Variants in ZNF503 observed in about 807,000 individuals in gnomAD.
ZNF503 encodes the protein zinc finger protein 503.
In ZNF503, 15 loss-of-function variants were observed where a neutral mutation model predicts 34.4. The ratio of observed to expected loss-of-function variants is 0.44; its 90% CI spans 0.29 to 0.67. The LOEUF (loss-of-function observed/expected upper bound fraction) is 0.67, where lower values mean the gene tolerates loss of function less well. Among genes scored for constraint, ZNF503 ranks in the 30% least tolerant of loss-of-function variants. The pLI, the probability that ZNF503 is intolerant of heterozygous loss-of-function variation, is 0.13. For missense variants in ZNF503, 1,007 were observed against 926.8 expected, an observed-to-expected ratio of 1.09 and a Z score of -1.12; for synonymous variants, 580 against 456.8, an observed-to-expected ratio of 1.27 and a Z score of -3.44.
chr10:75,320,483 AAAAT>A, the ZNF503 span, among the ~76,000 whole-genome samples: 35 of 151,786 alleles, frequency 2.3e-4, no homozygotes, highest in Non-Finnish European at 4.1e-4. Context: ...CCTGTCTCAA[AAAAT>A]AAATAAAATA....
At chr10:75,283,061 A>G in the ZNF503 span, among the ~76,000 whole-genome samples, 1 of 152,248 alleles carries the variant, frequency 6.6e-6, no homozygotes, top group South Asian at 2.1e-4. Flanking sequence ...TCTAAGAATT[A>G]ATTATGTGAC....
the ZNF503 span, among the ~76,000 whole-genome samples, chr10:75,339,976 G>A: frequency 5.9e-5 from 9 of 152,026 alleles, no homozygotes; most frequent in Non-Finnish European, 1.3e-4. Context: ...AGCACTTTGG[G>A]AGGTAAGGCG....
At chr10:75,383,193 T>G in the ZNF503 span, among the ~76,000 whole-genome samples, 2 of 152,154 alleles carry the variant, frequency 1.3e-5, no homozygotes, top group African/African-American at 4.8e-5. Flanking sequence ...GTCCTCATGA[T>G]TTTTCTCAAA....
intron 1 of ZNF503, 152 bp from the exon 2 acceptor site, chr10:75,400,526 T>C: frequency 1.4e-6 from 2 of 1,402,464 alleles, no homozygotes; most frequent in Non-Finnish European, 1.9e-6. Context: ...CACCCCCTCT[T>C]CAACACCCAC....
At chr10:75,352,767 A>G in the ZNF503 span, among the ~76,000 whole-genome samples, 190 of 152,370 alleles carry the variant, frequency 1.2e-3, no homozygotes, top group Middle Eastern at 0.027. Context: ...TAATAACTCA[A>G]TAACTCAAGG....
chr10:75,398,829 C>G lies in ZNF503; in HGVS notation c.1861G>C (p.Ala621Pro), dbSNP rs377107644. Residue 621 changes from alanine (A) to proline (P), a missense_variant, in exon 2 of 2, where the codon GCC becomes CCC. Ala to Pro is a conservative substitution (Grantham distance 27). Transcript: ENST00000372524. ...PTPGAPVPVP[A>P]ATGPYYSPYA... ...GGGGAGTAGTACGGTCCGGTGGCGG[C>G]GGGCACCGGCACGGGGGCGCCAGGC... 2 of 1,498,736 alleles carry G rather than the reference C, an allele frequency of 1.3e-6. No homozygotes were observed. The highest frequency in any genetic ancestry group is 2.8e-5 in the African/African-American group (2 of 71,066). 92.8% of individuals were successfully genotyped at this position (1,498,736 alleles called of 1,614,324 possible). A position where few individuals can be genotyped will look rare whatever the true frequency, so the allele number is the denominator to read the frequency against.
chr10:75,399,127 G>A lies in ZNF503; in HGVS notation c.1563C>T (p.Ala521=), dbSNP rs1274941705. ...PLPHICNWVS[A]NGPCDKRFAT... is the part of the protein sequence containing the mutation. ...CGAAGCGCTTGTCGCACGGCCCGTT[G>A]GCCGACACCCAGTTGCAGATGTGGG... Residue 521 remains alanine, a synonymous_variant, in exon 2 of 2, where the codon GCC becomes GCT. Coordinates refer to ENST00000372524, the MANE Select transcript of ZNF503 (RefSeq NM_032772.6). The A allele has an allele frequency of 1.9e-6, 3 of 1,613,552 alleles. No homozygotes were observed. The highest frequency in any genetic ancestry group is 1.1e-5 in the South Asian group (1 of 91,078).
chr10:75,367,158 G>T, the ZNF503 span, among the ~76,000 whole-genome samples: 1 of 152,146 alleles, frequency 6.6e-6, no homozygotes, highest in Non-Finnish European at 1.5e-5. Context: ...GAAAGAATCA[G>T]AACTTTTGCA....
chr10:75,340,730 C>A, the ZNF503 span, among the ~76,000 whole-genome samples: 1 of 152,146 alleles, frequency 6.6e-6, no homozygotes, highest in Non-Finnish European at 1.5e-5. Context: ...TCCCAAGTAG[C>A]TGGGATTACA....
chr10:75,392,781 G>C, the ZNF503 span, among the ~76,000 whole-genome samples: 1 of 152,214 alleles, frequency 6.6e-6, no homozygotes, highest in Non-Finnish European at 1.5e-5. Flanking sequence ...AATGAAATGA[G>C]ACTTTGGGGA....
At chr10:75,313,413 T>C in the ZNF503 span, among the ~76,000 whole-genome samples, 2 of 152,156 alleles carry the variant, frequency 1.3e-5, no homozygotes, top group African/African-American at 2.4e-5. Context: ...CCCATAGGCC[T>C]GTGATTTTGT....
chr10:75,344,024 T>C, the ZNF503 span, among the ~76,000 whole-genome samples: 3 of 152,232 alleles, frequency 2.0e-5, no homozygotes. Context: ...ACATTTATCA[T>C]GTCTGGGACT....
chr10:75,331,896 T>C, the ZNF503 span, among the ~76,000 whole-genome samples: 13 of 152,320 alleles, frequency 8.5e-5, no homozygotes, highest in Admixed American at 4.6e-4. Flanking sequence ...TATTGTTGAA[T>C]TGATCCCTTT....
the ZNF503 span, among the ~76,000 whole-genome samples, chr10:75,328,750 T>TC: frequency 2.0e-5 from 3 of 148,662 alleles, no homozygotes; most frequent in African/African-American, 7.4e-5. Context: ...TCTTTTCTTT[T>TC]TTTTTTTTTT....
chr10:75,379,116 C>T, the ZNF503 span, among the ~76,000 whole-genome samples: 7 of 152,168 alleles, frequency 4.6e-5, no homozygotes, highest in South Asian at 4.2e-4. Context: ...GAAATATGGG[C>T]GGGTGACAGG....
chr10:75,357,909 C>A, the ZNF503 span, among the ~76,000 whole-genome samples: 1 of 152,158 alleles, frequency 6.6e-6, no homozygotes, highest in Non-Finnish European at 1.5e-5. Context: ...CATTCTGCAG[C>A]CTGAGTCTCC....
the ZNF503 span, among the ~76,000 whole-genome samples, chr10:75,339,226 G>A: frequency 8.6e-5 from 13 of 151,960 alleles, no homozygotes; most frequent in South Asian, 2.1e-4. Flanking sequence ...GCGAGACTCC[G>A]TCTCAAAAAA....
At chr10:75,325,235 T>C in the ZNF503 span, among the ~76,000 whole-genome samples, 1 of 152,170 alleles carries the variant, frequency 6.6e-6, no homozygotes, top group African/African-American at 2.4e-5. Flanking sequence ...TTGTCAAAAA[T>C]CAGCTGACTC....
chr10:75,336,547 C>A, the ZNF503 span, among the ~76,000 whole-genome samples: 11 of 152,282 alleles, frequency 7.2e-5, no homozygotes, highest in Non-Finnish European at 1.6e-4. Context: ...CACTCACTTT[C>A]TTCTTCTGCA....
Sources: allele counts gnomAD v4.1 joint callset (sites outside exome capture counted in the v4.1 genomes callset), GRCh38; gene constraint gnomAD v4.1.1; transcripts MANE v1.5; gene names NCBI Gene and HGNC (gene_info 2026-07-23, HGNC 2026-07-21).